The following MALRD1 variants were observed in gnomAD, a reference collection of about 807,000 sequenced individuals.
MALRD1 encodes the protein MAM and LDL-receptor class A domain-containing protein 1.
A neutral mutation model predicts 242.1 loss-of-function variants in MALRD1; 247 were observed. The ratio of observed to expected loss-of-function variants is 1.02; its 90% CI spans 0.92 to 1.13. MALRD1 has a LOEUF of 1.13. Among genes scored for constraint, MALRD1 ranks in the 50% most tolerant of loss-of-function variants. MALRD1 has a pLI of 0.00. For synonymous variants in MALRD1, 995 were observed against 866.6 expected, an observed-to-expected ratio of 1.15 and a Z score of -2.60; for missense variants, 2,989 against 2,533.1, an observed-to-expected ratio of 1.18 and a Z score of -3.86.
chr10:19,185,675 T>C (rs951108968), intron 14 of MALRD1, among the ~76,000 whole-genome samples: 2 of 152,286 alleles, frequency 1.3e-5, no homozygotes, highest in Admixed American at 6.5e-5. Flanking sequence ...TTGCAAGCCA[T>C]GTATCTTATG....
At position 19,555,100 on chromosome 10, in the gene MALRD1, TG is replaced by T. The variant is rs562292735; in HGVS notation, c.5479-12401del. Among the ~76,000 whole-genome samples, 314 of 152,252 alleles carry T rather than the reference TG, an allele frequency of 2.1e-3. 2 individuals are homozygous for T. The highest frequency in any genetic ancestry group is 6.2e-3 in the African/African-American group (258 of 41,548). The stretch of plus-strand genomic sequence containing the variant: ...AATCGCCATTCTGACTGGCATGAGA[TG>T]ATATCTCATTGTGTTTTTGATTTGA... On this transcript the variant is annotated intron_variant, in intron 32 of 39. Transcript: ENST00000454679.
At position 19,567,681 on chromosome 10, in the gene MALRD1, T is replaced by C. The variant is rs1836317463; in HGVS notation, c.5658T>C (p.Phe1886=). 1.3e-6 allele frequency: 2 copies of C among 1,550,580 alleles called. No individual in the cohort carries two copies. Among genetic ancestry groups the C allele is most frequent in the Non-Finnish European group, 1.7e-6 (2 of 1,146,844 alleles). ...TTATTGCTCTTGATGACATCTCTTT[T>C]ACCCCAGAGTGTGTGACTGGAGGTA... ...DIFIALDDIS[F]TPECVTGGPV... The change falls in exon 33 of 40, where the codon TTT becomes TTC. Residue 1886 remains phenylalanine, a synonymous_variant. Coordinates refer to ENST00000454679, the MANE Select transcript of MALRD1 (RefSeq NM_001142308.3).
intron 32 of MALRD1, 32 bp from the exon 33 acceptor site, chr10:19,567,470 C>A: frequency 1.3e-6 from 2 of 1,528,336 alleles, no homozygotes; most frequent in South Asian, 1.2e-5. Context: ...AATATCCAAT[C>A]ATAAAAAGTT....
In MALRD1 at chr10:19,413,041, G is replaced by GA. The variant is rs112303247; in HGVS notation, c.4845+23440dup. On this transcript the variant is annotated intron_variant, in intron 28 of 39. Coordinates refer to ENST00000454679, the MANE Select transcript of MALRD1 (RefSeq NM_001142308.3). ...TTTATGTAAAGAGATGGAAATCTTA[G>GA]AAAAAAAATAATAGTTAACATCAAT... is the stretch of plus-strand genomic sequence containing the variant. 6.1e-3 allele frequency among the ~76,000 whole-genome samples: 926 copies of GA among 151,694 alleles called. 15 individuals are homozygous for GA. Among genetic ancestry groups the GA allele is most frequent in the African/African-American group, 0.021 (864 of 41,366 alleles).
chr10:19,048,313 G>T (rs1834389978), upstream of MALRD1, among the ~76,000 whole-genome samples: 1 of 152,112 alleles, frequency 6.6e-6, no homozygotes, highest in Admixed American at 6.5e-5. Context: ...AAAAATCTAT[G>T]GTTCTTAATT....
intron 12 of MALRD1, among the ~76,000 whole-genome samples, chr10:19,161,571 A>AAAAAAAAAAAAAAAAAAAAAC (rs1834419059): frequency 6.8e-6 from 1 of 148,002 alleles, no homozygotes; most frequent in Non-Finnish European, 1.5e-5. Flanking sequence ...AAAAAAAGAA[A>AAAAAAAAAAAAAAAAAAAAAC]ATTTCCTTTA....
At chr10:19,582,170 G>A (rs1181114500) in intron 33 of MALRD1, among the ~76,000 whole-genome samples, 4 of 151,958 alleles carry the variant, frequency 2.6e-5, no homozygotes, top group East Asian at 1.9e-4. Flanking sequence ...CATTCTGTAG[G>A]TTGCCTGTTC....
intron 21 of MALRD1, among the ~76,000 whole-genome samples, chr10:19,319,390 C>T (rs1842830285): frequency 6.6e-6 from 1 of 152,072 alleles, no homozygotes; most frequent in Non-Finnish European, 1.5e-5. Context: ...GTTATTCTTT[C>T]CATCAGTACT....
At chr10:19,154,881 T>A (rs528818502) in intron 11 of MALRD1, among the ~76,000 whole-genome samples, 194 bp from the exon 12 acceptor site, 1 of 152,352 alleles carries the variant, frequency 6.6e-6, no homozygotes, top group Non-Finnish European at 1.5e-5. Context: ...ATTGATTAAA[T>A]GTTATTTTAG....
intron 34 of MALRD1, among the ~76,000 whole-genome samples, chr10:19,605,466 A>C (rs1312556902): frequency 2.7e-5 from 4 of 146,860 alleles, no homozygotes; most frequent in African/African-American, 7.5e-5. Context: ...CTGCGCCTGG[A>C]CCAGCTTTGT....
intron 28 of MALRD1, among the ~76,000 whole-genome samples, chr10:19,445,299 C>T (rs1834906591): frequency 6.6e-6 from 1 of 152,186 alleles, no homozygotes; most frequent in South Asian, 2.1e-4. Context: ...TCGTCTGAAG[C>T]TTACTTCTGT....
intron 21 of MALRD1, among the ~76,000 whole-genome samples, chr10:19,319,969 TAG>T (rs1215059880): frequency 6.6e-6 from 1 of 151,918 alleles, no homozygotes; most frequent in African/African-American, 2.4e-5. Context: ...TCTTAATTTT[TAG>T]AGTTATTTTC....
chr10:19,550,118 A>C (rs1449349820), intron 32 of MALRD1, among the ~76,000 whole-genome samples: 1 of 152,154 alleles, frequency 6.6e-6, no homozygotes, highest in Non-Finnish European at 1.5e-5. Context: ...GGTGAAAAAA[A>C]GACAACAGTG....
At chr10:19,225,782 A>T (rs183488998) in intron 18 of MALRD1, among the ~76,000 whole-genome samples, 1 of 152,308 alleles carries the variant, frequency 6.6e-6, no homozygotes, top group East Asian at 1.9e-4. Flanking sequence ...TTTACTTTTT[A>T]TTATCATGTG....
At chr10:19,431,979 C>T (rs2486055) in intron 28 of MALRD1, among the ~76,000 whole-genome samples, 93,756 of 151,784 alleles carry the variant, frequency 0.62, 29,152 homozygotes, top group Middle Eastern at 0.7. Flanking sequence ...TGTTCTTCTA[C>T]GTTCTACCAT....
chr10:19,618,249 T>C (rs377434999), intron 36 of MALRD1, among the ~76,000 whole-genome samples: 2 of 152,198 alleles, frequency 1.3e-5, no homozygotes, highest in African/African-American at 4.8e-5. Context: ...GGTGTTTAGA[T>C]TGATTCTACG....
chr10:19,243,725 A>G (rs996382182), intron 18 of MALRD1, among the ~76,000 whole-genome samples: 4 of 152,194 alleles, frequency 2.6e-5, no homozygotes, highest in African/African-American at 9.7e-5. Context: ...ACTTAAAGTT[A>G]TGATGGGAAA....
intron 14 of MALRD1, among the ~76,000 whole-genome samples, chr10:19,200,093 A>G (rs1417741078): frequency 1.3e-5 from 2 of 152,110 alleles, no homozygotes; most frequent in African/African-American, 4.8e-5. Context: ...ATGTCACTGC[A>G]CTCCAGCCTG....
intron 11 of MALRD1, among the ~76,000 whole-genome samples, chr10:19,148,788 A>AAAAATAT (rs1206724666): frequency 1.1e-4 from 10 of 88,026 alleles, no homozygotes; most frequent in East Asian, 5.5e-4. Context: ...AAAAAAAAAA[A>AAAAATAT]ATATATATAT....
Sources: gnomAD v4.1 joint callset for allele counts (sites outside exome capture counted in the v4.1 genomes callset) on GRCh38, gnomAD v4.1.1 for gene constraint, MANE v1.5 for transcripts, NCBI Gene and HGNC (gene_info 2026-07-23, HGNC 2026-07-21) for gene names.